The following FAM184A variants were observed in gnomAD, a reference collection of about 807,000 sequenced individuals.
FAM184A encodes family with sequence similarity 184 member A.
In FAM184A, 99 loss-of-function variants were observed where a neutral mutation model predicts 143.8. The ratio of observed to expected loss-of-function variants is 0.69; its 90% CI spans 0.58 to 0.81. The LOEUF (loss-of-function observed/expected upper bound fraction) is 0.81, where lower values mean the gene tolerates loss of function less well. Among genes scored for constraint, FAM184A ranks in the 40% least tolerant of loss-of-function variants. The pLI, the probability that FAM184A is intolerant of heterozygous loss-of-function variation, is 0.00. For missense variants in FAM184A, 1,217 were observed against 1,310.5 expected (o/e 0.93, Z 1.10); for synonymous variants, 427 against 446.4 (o/e 0.96, Z 0.55).
intron 1 of FAM184A, among the ~76,000 whole-genome samples, chr6:119,027,096 G>A (rs941887053): frequency 1.1e-4 from 16 of 151,908 alleles, no homozygotes; most frequent in African/African-American, 2.9e-4. Flanking sequence ...CTTTAGTCAG[G>A]GCTTACCTCT....
chr6:118,980,577 A>C (rs907244612), intron 9 of FAM184A, among the ~76,000 whole-genome samples: 1 of 152,218 alleles, frequency 6.6e-6, no homozygotes, highest in Non-Finnish European at 1.5e-5. Flanking sequence ...TATATTGTTT[A>C]TAGACTGTCT....
At chr6:119,081,758 A>C (rs1432484359), upstream of FAM184A, among the ~76,000 whole-genome samples, 1 of 152,228 alleles carries the variant, frequency 6.6e-6, no homozygotes, top group Non-Finnish European at 1.5e-5. Context: ...CAACTGCCCC[A>C]GTCAAACTCC....
chr6:119,072,122 A>G (rs892201293), intron 1 of FAM184A, among the ~76,000 whole-genome samples: 1 of 152,140 alleles, frequency 6.6e-6, no homozygotes, highest in African/African-American at 2.4e-5. Flanking sequence ...TTGGCCTCCC[A>G]AAGTGCTGGG....
intron 14 of FAM184A, among the ~76,000 whole-genome samples, chr6:118,968,229 CA>C (rs547096996): frequency 8.0e-4 from 121 of 152,050 alleles, no homozygotes; most frequent in African/African-American, 2.8e-3. Flanking sequence ...TTCGGGCACA[CA>C]AAATACACTA....
intron 1 of FAM184A, among the ~76,000 whole-genome samples, chr6:119,059,108 C>T (rs1173046835): frequency 2.0e-5 from 3 of 151,984 alleles, no homozygotes; most frequent in African/African-American, 7.3e-5. Flanking sequence ...GCAATCCTCC[C>T]ACCTCAGCCT....
At chr6:119,114,028 G>A (rs1445641468) in intron 1 of FAM184A, among the ~76,000 whole-genome samples, 1 of 152,080 alleles carries the variant, frequency 6.6e-6, no homozygotes. Context: ...CTCTTACGGT[G>A]CCTAGTTTAT....
intron 1 of FAM184A, among the ~76,000 whole-genome samples, chr6:119,063,231 CACTT>C (rs1227055941): frequency 1.3e-5 from 2 of 152,142 alleles, no homozygotes; most frequent in African/African-American, 2.4e-5. Context: ...TCAAATAACT[CACTT>C]AAATACATCA....
At chr6:118,996,783 C>T (rs548516268) in intron 9 of FAM184A, among the ~76,000 whole-genome samples, 15 of 151,282 alleles carry the variant, frequency 9.9e-5, no homozygotes, top group African/African-American at 2.7e-4. Flanking sequence ...GGTGTGATCT[C>T]GGCTCACTGC....
intron 9 of FAM184A, among the ~76,000 whole-genome samples, chr6:118,990,659 A>G (rs1784348969): frequency 6.6e-6 from 1 of 151,958 alleles, no homozygotes; most frequent in African/African-American, 2.4e-5. Flanking sequence ...TGAGGTCAGG[A>G]TTTCGAGACC....
At chr6:119,106,821 T>C (rs1170565529) in intron 1 of FAM184A, among the ~76,000 whole-genome samples, 1 of 152,224 alleles carries the variant, frequency 6.6e-6, no homozygotes, top group Non-Finnish European at 1.5e-5. Context: ...TATTTCACAC[T>C]ACAAAAAGTT....
chr6:119,055,953 G>A (rs1434817612), intron 1 of FAM184A, among the ~76,000 whole-genome samples: 1 of 152,114 alleles, frequency 6.6e-6, no homozygotes, highest in Non-Finnish European at 1.5e-5. Flanking sequence ...TAACAGATAT[G>A]ATAAACACAT....
In FAM184A at chr6:119,003,056, T is replaced by C. The variant is rs1278638917; in HGVS notation, c.1938-7A>G. On this transcript the variant is annotated splice_polypyrimidine_tract_variant and splice_region_variant and intron_variant, in intron 8 of 17. Transcript: ENST00000338891. ...AAGTTTAGAACACTCTTGTCTAAAATAAAACAACTGCATTTACTTTGTAAA... is the reference window on the plus strand; with the variant it reads ...AAGTTTAGAACACTCTTGTCTAAAACAAAACAACTGCATTTACTTTGTAAA... 1 of 1,591,190 alleles carries C rather than the reference T, an allele frequency of 6.3e-7. No individual in the cohort carries two copies. The highest frequency in any genetic ancestry group is 1.9e-5 in the Admixed American group (1 of 53,208).
At chr6:119,012,101 T>G (rs987662322) in intron 5 of FAM184A, among the ~76,000 whole-genome samples, 3 of 152,024 alleles carry the variant, frequency 2.0e-5, no homozygotes, top group African/African-American at 7.2e-5. Context: ...GAGAAAGCAA[T>G]TCCTAAGCAT....
intron 9 of FAM184A, among the ~76,000 whole-genome samples, chr6:118,985,712 G>C (rs918625805): frequency 5.3e-5 from 8 of 152,144 alleles, no homozygotes; most frequent in African/African-American, 1.7e-4. Flanking sequence ...AGCACCTACA[G>C]ATGAATTATG....
intron 3 of FAM184A, among the ~76,000 whole-genome samples, chr6:119,021,435 T>C (rs1057214677): frequency 2.6e-5 from 4 of 152,164 alleles, no homozygotes; most frequent in African/African-American, 4.8e-5. Flanking sequence ...AAATGAACCT[T>C]AGTAACAAGC....
intron 9 of FAM184A, among the ~76,000 whole-genome samples, chr6:118,991,220 T>C (rs137876316): frequency 0.012 from 1,765 of 151,840 alleles, 19 homozygotes; most frequent in Non-Finnish European, 0.018. Flanking sequence ...CTGAGTGCAA[T>C]GGCACGATCT....
At chr6:119,117,042 A>G (rs969318935) in intron 1 of FAM184A, among the ~76,000 whole-genome samples, 16 of 152,350 alleles carry the variant, frequency 1.1e-4, no homozygotes, top group African/African-American at 3.6e-4. Flanking sequence ...TTCAGGTCTC[A>G]GGAGAATTGG....
chr6:119,042,481 T>A (rs919498284), intron 1 of FAM184A, among the ~76,000 whole-genome samples: 1 of 151,304 alleles, frequency 6.6e-6, no homozygotes, highest in African/African-American at 2.4e-5. Context: ...TTTTTTTTGC[T>A]TTATGCCCCT....
At chr6:119,129,716 G>A (rs779837661) in intron 1 of FAM184A, among the ~76,000 whole-genome samples, 60 of 125,886 alleles carry the variant, frequency 4.8e-4, no homozygotes, top group Non-Finnish European at 4.2e-4. Flanking sequence ...TGTTTTGTGT[G>A]TGTGTGTGGG....
Sources: gnomAD v4.1 joint callset for allele counts (sites outside exome capture counted in the v4.1 genomes callset) on GRCh38, gnomAD v4.1.1 for gene constraint, MANE v1.5 for transcripts, NCBI Gene and HGNC (gene_info 2026-07-23, HGNC 2026-07-21) for gene names.